PTGDS: variants seen among roughly 807,000 people sequenced by gnomAD.
PTGDS encodes the protein prostaglandin-H2 D-isomerase.
Under a neutral mutation model 28.4 loss-of-function variants are expected in PTGDS, and 21 were observed. The observed-to-expected ratio is 0.74, with a 90% CI of 0.52 to 1.07. The LOEUF is 1.07. PTGDS is among the 50% of genes least tolerant of loss of function. The probability of loss-of-function intolerance (pLI) is 0.00; values close to 1 mark genes in which losing one functional copy is unlikely to be tolerated. For missense variants in PTGDS, 243 were observed against 247.7 expected, an observed-to-expected ratio of 0.98 and a Z score of 0.13; for synonymous variants, 102 against 106.0, an observed-to-expected ratio of 0.96 and a Z score of 0.23.
Position 136,980,837 on chromosome 9 carries a change from G to A in PTGDS, c.555G>A (p.Lys185=). The A allele has an allele frequency of 6.2e-7, 1 of 1,612,938 alleles. No homozygotes were observed. Among genetic ancestry groups the A allele is most frequent in the African/African-American group, 1.3e-5 (1 of 74,900 alleles). The change falls in exon 6 of 7, where the codon AAG becomes AAA. Residue 185 remains lysine (K), a synonymous_variant. Coordinates refer to ENST00000371625, the MANE Select transcript of PTGDS (RefSeq NM_000954.6). ...CCCTGGCTTCTTTCTTGGCAGATAA[G>A]TGCATGACGGAACAATAGGTGAGCC... ...DTIVFLPQTD[K]CMTEQ
At chr9:136,979,841 C>T (rs911282388) in intron 3 of PTGDS, 105 bp from the exon 4 acceptor site, 36 of 1,103,344 alleles carry the variant, frequency 3.3e-5, no homozygotes, top group South Asian at 7.5e-5. Flanking sequence ...CCGGGCCAGC[C>T]GAGGGGCTGA....
At chr9:136,977,827 C>A in intron 1 of PTGDS, 135 bp downstream of exon 1, 1 of 843,132 alleles carries the variant, frequency 1.2e-6, no homozygotes, top group Non-Finnish European at 1.8e-6. Context: ...AGGGACTGAG[C>A]GGGCGCGCAG....
chr9:136,980,354 G>A (rs1261777705), intron 5 of PTGDS, 70 bp downstream of exon 5: 19 of 1,524,090 alleles, frequency 1.2e-5, no homozygotes, highest in Non-Finnish European at 1.6e-5. Context: ...TCTCCTGACT[G>A]GGGGAGGCAG....
intron 1 of PTGDS, chr9:136,978,759 G>A: frequency 4.0e-6 from 2 of 495,906 alleles, no homozygotes; most frequent in South Asian, 1.9e-5. Flanking sequence ...TGAGGGGCGT[G>A]GTCAGCTCCT....
At chr9:136,979,874 C>A in intron 3 of PTGDS, 72 bp from the exon 4 acceptor site, 1 of 1,414,350 alleles carries the variant, frequency 7.1e-7, no homozygotes, top group Non-Finnish European at 1.0e-6. Flanking sequence ...CCCACAGGTG[C>A]ACCCCTTCCC....
chr9:136,978,667 T>TC, intron 1 of PTGDS: 1 of 280,792 alleles, frequency 3.6e-6, no homozygotes, highest in Non-Finnish European at 6.5e-6. Flanking sequence ...CGGGGCCAGC[T>TC]CTTGGGGCGG....
Position 136,980,866 on chromosome 9 carries a change from C to CCATT in PTGDS, c.*46_*49dup, listed in dbSNP as rs146717258. 910,025 of 1,313,594 alleles carry CCATT rather than the reference C, an allele frequency of 0.69. 300,907 individuals are homozygous for CCATT. The highest frequency in any genetic ancestry group is 0.75 in the Admixed American group (32,476 of 43,438). 81.4% of individuals were successfully genotyped at this position (1,313,594 alleles called of 1,614,324 possible). ...ATGACGGAACAATAGGTGAGCCACT[C>CCATT]CATTCATTCATTCATTCATTCATTC... On this transcript the variant is annotated intron_variant, in intron 6 of 6. Coordinates refer to ENST00000371625, the MANE Select transcript of PTGDS (RefSeq NM_000954.6).
chr9:136,980,150 G>C, intron 4 of PTGDS, 33 bp from the exon 5 acceptor site: 1 of 1,611,318 alleles, frequency 6.2e-7, no homozygotes, highest in African/African-American at 1.3e-5. Flanking sequence ...CATCCCCCCC[G>C]CTGAGGCCAG....
At chr9:136,978,578 C>T (rs1238500095) in intron 1 of PTGDS, among the ~76,000 whole-genome samples, 22 of 9,030 alleles carry the variant, frequency 2.4e-3, no homozygotes, top group Middle Eastern at 0.071. Context: ...GGGGCGGGGA[C>T]GTGAGGGGCG....
rs1336843176 is a variant in PTGDS, at chr9:136,979,009, T to C, written c.131T>C (p.Phe44Ser). ...FQQDKFLGRW[F>S]SAGLASNSSW... ...TCGCCGCAGTTCCTGGGGCGCTGGTTCAGCGCGGGCCTCGCCTCCAACTCG... is the reference window on the plus strand; with the variant it reads ...TCGCCGCAGTTCCTGGGGCGCTGGTCCAGCGCGGGCCTCGCCTCCAACTCG... Residue 44 changes from phenylalanine to serine, a missense_variant, in exon 2 of 7, where the codon TTC (phenylalanine) becomes TCC (serine). Physicochemically the swap from Phe to Ser is radical, Grantham distance 155 (BLOSUM62 -2). Coordinates refer to ENST00000371625, the MANE Select transcript of PTGDS (RefSeq NM_000954.6). 6.2e-7 allele frequency: 1 copy of C among 1,608,522 alleles called. No individual in the cohort carries two copies. The highest frequency in any genetic ancestry group is 8.5e-7 in the Non-Finnish European group (1 of 1,178,296).
rs187244346 is a variant in PTGDS, at chr9:136,979,109, C to T, written c.231C>T (p.Leu77=). 8.7e-6 allele frequency: 14 copies of T among 1,612,404 alleles called. No homozygotes were observed. The East Asian group carries it at 3.1e-4, about 36-fold the overall frequency. Reference sequence around the variant, plus strand: ...TGGCCCCTGCCACGGATGGTGGCCTCAACCTGACCTCCACCTTCCTCAGGT... The same window carrying T: ...TGGCCCCTGCCACGGATGGTGGCCTTAACCTGACCTCCACCTTCCTCAGGT... The part of the protein sequence containing the change: ...SVVAPATDGG[L]NLTSTFLRKN... The change falls in exon 2 of 7, where the codon CTC becomes CTT. Residue 77 remains leucine, a synonymous_variant. Transcript: ENST00000371625.
rs556743952 is a variant in PTGDS at position 136,978,927 on chromosome 9, C to T, written c.115-66C>T. The T allele has an allele frequency of 7.0e-6, 11 of 1,579,562 alleles. No individual in the cohort carries two copies. The East Asian group carries it at 1.4e-4, about 20-fold the overall frequency. Reference sequence around the variant, plus strand: ...CGGAGGAGTAGACGGCAGAGGCGCCCCCGCAGGTAGGCGCAGGTGGGTCCG... The same window carrying T: ...CGGAGGAGTAGACGGCAGAGGCGCCTCCGCAGGTAGGCGCAGGTGGGTCCG... On this transcript the variant is annotated intron_variant, in intron 1 of 6. Coordinates refer to ENST00000371625, the MANE Select transcript of PTGDS (RefSeq NM_000954.6).
At position 136,979,987 on chromosome 9, in the gene PTGDS, T is replaced by C. The variant is rs1043248152; in HGVS notation, c.373T>C (p.Tyr125His). 2.5e-6 allele frequency: 4 copies of C among 1,613,218 alleles called. No homozygotes were observed. Among genetic ancestry groups the C allele is most frequent in the Non-Finnish European group, 3.4e-6 (4 of 1,179,940 alleles). ...TYSVSVVETDYDQYALLYSQG... is the reference protein window; with the variant it reads ...TYSVSVVETDHDQYALLYSQG... ...CTCCGTGTCAGTGGTGGAGACCGAC[T>C]ACGACCAGTACGCGCTGCTGTACAG... The change falls in exon 4 of 7, where the codon TAC becomes CAC. Residue 125 changes from tyrosine to histidine, a missense_variant. Physicochemically the swap from Tyr to His is moderately conservative, Grantham distance 83. Transcript: ENST00000371625.
intron 1 of PTGDS, 33 bp downstream of exon 1, chr9:136,977,725 T>A: frequency 6.6e-7 from 1 of 1,515,910 alleles, no homozygotes; most frequent in Non-Finnish European, 8.9e-7. Flanking sequence ...CCCCAAGGGC[T>A]ACAGGACCCT....
chr9:136,981,016 A>G, intron 6 of PTGDS, 161 bp downstream of exon 6: 1 of 1,061,710 alleles, frequency 9.4e-7, no homozygotes, highest in East Asian at 2.6e-5. Context: ...GGCGGGAGAC[A>G]CTGGGGCTGC....
chr9:136,979,523 A>C (rs1239474056), intron 3 of PTGDS: 4 of 1,396,206 alleles, frequency 2.9e-6, no homozygotes, highest in Non-Finnish European at 3.9e-6. Flanking sequence ...GGAGCCCACC[A>C]TTGTCTTGTC....
In PTGDS at chr9:136,980,043, C is replaced by T; in HGVS notation, c.429C>T (p.Phe143=). The T allele has an allele frequency of 6.2e-7, 1 of 1,612,482 alleles. No homozygotes were observed. The highest frequency in any genetic ancestry group is 8.5e-7 in the Non-Finnish European group (1 of 1,179,682). The part of the protein sequence containing the change: ...SQGSKGPGED[F]RMATLYSRTQ... ...GCAGCAAGGGCCCTGGCGAGGACTT[C>T]CGCATGGCCACCCTCTACAGTACGT... Residue 143 remains phenylalanine, a synonymous_variant, in exon 4 of 7, where the codon TTC becomes TTT. Coordinates refer to ENST00000371625, the MANE Select transcript of PTGDS (RefSeq NM_000954.6).
At chr9:136,978,239 C>A (rs1473569580) in intron 1 of PTGDS, among the ~76,000 whole-genome samples, 2 of 152,148 alleles carry the variant, frequency 1.3e-5, no homozygotes, top group African/African-American at 4.8e-5. Context: ...GAAGACCCGC[C>A]CCGATCCCCG....
chr9:136,977,670 A>T lies in PTGDS; in HGVS notation c.92A>T (p.Gln31Leu), dbSNP rs139945276. ...QAAPEAQVSV[Q>L]PNFQQDKFLG... The stretch of plus-strand genomic sequence containing the variant: ...GCACCGGAGGCCCAGGTCTCCGTGC[A>T]GCCCAACTTCCAGCAGGACAAGGTG... Residue 31 changes from glutamine to leucine, a missense_variant, in exon 1 of 7, where the codon CAG becomes CTG. By Grantham distance (113) the Gln-to-Leu change is moderately radical. Coordinates refer to ENST00000371625, the MANE Select transcript of PTGDS (RefSeq NM_000954.6). The T allele has an allele frequency of 2.0e-4, 313 of 1,604,056 alleles. No individual in the cohort carries two copies. In the African/African-American group the frequency reaches 3.5e-3, roughly 18 times the overall value.
Sources: gnomAD v4.1 joint callset for allele counts (sites outside exome capture counted in the v4.1 genomes callset) on GRCh38, gnomAD v4.1.1 for gene constraint, MANE v1.5 for transcripts, NCBI Gene and HGNC (gene_info 2026-07-23, HGNC 2026-07-21) for gene names.